Variants in BABAM2 observed in about 807,000 individuals in gnomAD.
BABAM2 encodes BRISC and BRCA1 A complex member 2.
A neutral mutation model predicts 54.7 loss-of-function variants in BABAM2; 31 were observed. That is an observed-to-expected ratio of 0.57 (90% CI 0.43 to 0.77). BABAM2 has a LOEUF of 0.77. Among genes scored for constraint, BABAM2 ranks in the 30% least tolerant of loss-of-function variants. The pLI is 0.00. For missense variants in BABAM2, 364 were observed against 455.8 expected (o/e 0.80, Z 1.83); for synonymous variants, 167 against 162.9 (o/e 1.03, Z -0.19).
intron 11 of BABAM2, among the ~76,000 whole-genome samples, chr2:28,323,874 C>T (rs946848659): frequency 1.8e-4 from 28 of 152,166 alleles, no homozygotes; most frequent in Non-Finnish European, 3.7e-4. Context: ...CTTTTCCTTC[C>T]CCCAGACACT....
At chr2:28,036,009 A>G (rs1046281650) in intron 5 of BABAM2, among the ~76,000 whole-genome samples, 7 of 152,114 alleles carry the variant, frequency 4.6e-5, no homozygotes, top group African/African-American at 1.7e-4. Context: ...TCCTTTGCCT[A>G]TACTTTTCAG....
chr2:28,301,287 A>G (rs1331991860), intron 11 of BABAM2, among the ~76,000 whole-genome samples: 2 of 152,228 alleles, frequency 1.3e-5, no homozygotes, highest in African/African-American at 4.8e-5. Flanking sequence ...AACCTCAGAA[A>G]GGACACTTCC....
intron 3 of BABAM2, among the ~76,000 whole-genome samples, chr2:27,944,569 AT>A (rs1377445751): frequency 3.9e-5 from 6 of 152,128 alleles, no homozygotes; most frequent in Admixed American, 2.6e-4. Flanking sequence ...TGTTCCTTTT[AT>A]TGCTGTATAG....
At chr2:28,129,913 G>A (rs1180215270) in intron 7 of BABAM2, among the ~76,000 whole-genome samples, 1 of 152,188 alleles carries the variant, frequency 6.6e-6, no homozygotes, top group Non-Finnish European at 1.5e-5. Context: ...CAGGCTACAT[G>A]GCAGAAGTAG....
In BABAM2 at chr2:28,211,386, C is replaced by CTTTTTTTTTT. The variant is rs770284745; in HGVS notation, c.681-25807_681-25798dup. Among the ~76,000 whole-genome samples, 540 of 96,838 alleles carry CTTTTTTTTTT rather than the reference C, an allele frequency of 5.6e-3. 8 individuals carry two copies. The highest frequency in any genetic ancestry group is 7.8e-3 in the Non-Finnish European group (400 of 50,990). The allele number at this position is 96,838 out of a possible 152,430, so 63.5% of individuals were successfully genotyped here. On this transcript the variant is annotated intron_variant, in intron 7 of 11. Transcript: ENST00000379624. ...CCATGTATAGTTCCTTCCTTATTAT[C>CTTTTTTTTTT]TTTTTTTTTTTTTTTTTTGAGAAAG... is the stretch of plus-strand genomic sequence containing the variant.
At chr2:27,960,461 T>A (rs1049419332) in intron 3 of BABAM2, among the ~76,000 whole-genome samples, 2 of 152,120 alleles carry the variant, frequency 1.3e-5, no homozygotes, top group African/African-American at 4.8e-5. Context: ...TGGTTTTTTT[T>A]TTCTCCCCAG....
intron 6 of BABAM2, 128 bp from the exon 7 acceptor site, chr2:28,129,143 G>T: frequency 1.2e-6 from 1 of 824,456 alleles, no homozygotes; most frequent in Admixed American, 2.1e-5. Context: ...GATGTGCAAA[G>T]CAGCTAAGCT....
At chr2:28,183,089 A>G (rs1325825473) in intron 7 of BABAM2, among the ~76,000 whole-genome samples, 3 of 152,150 alleles carry the variant, frequency 2.0e-5, no homozygotes, top group Non-Finnish European at 4.4e-5. Context: ...TTTTTTCTTA[A>G]GTATATCATA....
chr2:27,917,454 T>A (rs1573161698), intron 2 of BABAM2, among the ~76,000 whole-genome samples: 1 of 152,166 alleles, frequency 6.6e-6, no homozygotes, highest in Non-Finnish European at 1.5e-5. Flanking sequence ...GGATCATGGC[T>A]CTGGTAGATT....
intron 7 of BABAM2, among the ~76,000 whole-genome samples, chr2:28,224,113 T>C (rs1306190414): frequency 2.0e-5 from 3 of 152,160 alleles, no homozygotes; most frequent in Admixed American, 6.5e-5. Flanking sequence ...ACAACAAAAA[T>C]ACTTACCTTC....
At chr2:28,133,909 GC>G (rs961655327) in intron 7 of BABAM2, among the ~76,000 whole-genome samples, 15 of 152,116 alleles carry the variant, frequency 9.9e-5, no homozygotes, top group Non-Finnish European at 1.9e-4. Context: ...AAGTCTGTTT[GC>G]CCAGGGTCGT....
Position 27,894,390 on chromosome 2 carries a change from A to G in BABAM2, c.-24-143A>G. 5.0e-6 allele frequency: 4 copies of G among 797,068 alleles called. No homozygotes were observed. In the East Asian group the frequency reaches 1.0e-4, roughly 20 times the overall value. The allele number at this position is 797,068 out of a possible 1,614,324, so 49.4% of individuals were successfully genotyped here. ...GTGAGGTGGTTTCTTCTGGAGGATC[A>G]TTGGAAGAGGCTGCGCTAGAGATGG... On this transcript the variant is annotated intron_variant, in intron 1 of 11. Transcript: ENST00000379624.
chr2:28,334,131 G>T (rs1201814298), intron 11 of BABAM2, among the ~76,000 whole-genome samples: 1 of 152,194 alleles, frequency 6.6e-6, no homozygotes, highest in Non-Finnish European at 1.5e-5. Flanking sequence ...TTGGCAGCAC[G>T]CAGTTGGCCC....
chr2:28,263,390 G>A (rs1684708858), intron 10 of BABAM2, among the ~76,000 whole-genome samples: 1 of 152,210 alleles, frequency 6.6e-6, no homozygotes, highest in Non-Finnish European at 1.5e-5. Flanking sequence ...CCCATAGCTA[G>A]TAGCTGAAGG....
rs1348043362 is a variant in BABAM2, at chr2:28,026,887, GAT to G, written c.495+1475_495+1476del. Reference sequence around the variant, plus strand: ...AGATATATATATTTATATATATATAGATATATATAAATATATATAAATATATA... The same window carrying G: ...AGATATATATATTTATATATATATAGATATATAAATATATATAAATATATA... On this transcript the variant is annotated intron_variant, in intron 5 of 11. Transcript: ENST00000379624. Among the ~76,000 whole-genome samples the G allele has an allele frequency of 1.5e-3, 90 of 60,882 alleles. 3 individuals carry two copies. Among genetic ancestry groups the G allele is most frequent in the African/African-American group, 7.2e-3 (82 of 11,328 alleles). 39.9% of individuals were successfully genotyped at this position (60,882 alleles called of 152,430 possible).
chr2:28,057,721 A>C (rs189699059), intron 6 of BABAM2, among the ~76,000 whole-genome samples: 41 of 152,338 alleles, frequency 2.7e-4, no homozygotes, highest in Middle Eastern at 3.4e-3. Context: ...TGTTAGGATA[A>C]TACTTAATTA....
upstream of BABAM2, among the ~76,000 whole-genome samples, chr2:27,889,724 G>A (rs994988899): frequency 6.6e-6 from 1 of 152,190 alleles, no homozygotes; most frequent in Non-Finnish European, 1.5e-5. Flanking sequence ...CTGCAGTAAT[G>A]CCGACAATCA....
At chr2:28,188,595 A>G (rs936158936) in intron 7 of BABAM2, among the ~76,000 whole-genome samples, 1 of 152,214 alleles carries the variant, frequency 6.6e-6, no homozygotes, top group Non-Finnish European at 1.5e-5. Flanking sequence ...CACATGCCAG[A>G]GATTGAAACG....
chr2:28,002,955 G>T (rs1461626129), intron 4 of BABAM2, among the ~76,000 whole-genome samples: 1 of 152,086 alleles, frequency 6.6e-6, no homozygotes, highest in Non-Finnish European at 1.5e-5. Flanking sequence ...GGAGTAAACG[G>T]CCACAAAATA....
Sources: allele counts gnomAD v4.1 joint callset (sites outside exome capture counted in the v4.1 genomes callset), GRCh38; gene constraint gnomAD v4.1.1; transcripts MANE v1.5; gene names NCBI Gene and HGNC (gene_info 2026-07-23, HGNC 2026-07-21).